The following NRXN1 variants were observed in gnomAD, a reference collection of about 807,000 sequenced individuals.
NRXN1 encodes neurexin 1.
In NRXN1, 39 loss-of-function variants were observed where a neutral mutation model predicts 150.9. The ratio of observed to expected loss-of-function variants is 0.26; its 90% confidence interval spans 0.20 to 0.34. The LOEUF is 0.34. Ranked by LOEUF, NRXN1 falls within the 10% of genes least tolerant of loss-of-function variation. The pLI is 1.00. For missense variants in NRXN1, 1,815 were observed against 1,949.9 expected (o/e 0.93, Z 1.30); for synonymous variants, 924 against 757.0 (o/e 1.22, Z -3.62).
At chr2:50,976,069 A>G (rs1044878557) in intron 2 of NRXN1, among the ~76,000 whole-genome samples, 2 of 151,982 alleles carry the variant, frequency 1.3e-5, no homozygotes, top group South Asian at 2.1e-4. Flanking sequence ...ATTGCTCCCA[A>G]TAATGCCTGT....
intron 8 of NRXN1, among the ~76,000 whole-genome samples, chr2:50,555,561 G>A (rs998707562): frequency 6.6e-6 from 1 of 152,072 alleles, no homozygotes; most frequent in African/African-American, 2.4e-5. Flanking sequence ...CTTTACACTG[G>A]CAAGAACCTT....
At chr2:50,987,204 AG>A (rs1227752160) in intron 2 of NRXN1, among the ~76,000 whole-genome samples, 3 of 151,994 alleles carry the variant, frequency 2.0e-5, no homozygotes, top group Non-Finnish European at 4.4e-5. Flanking sequence ...ACTACTTATT[AG>A]TAAATAAACA....
intron 18 of NRXN1, among the ~76,000 whole-genome samples, chr2:50,147,256 C>CTT (rs1250896529): frequency 4.0e-5 from 6 of 151,546 alleles, no homozygotes; most frequent in African/African-American, 1.5e-4. Flanking sequence ...CAAATAAGTG[C>CTT]CTTAGAAGAT....
intron 5 of NRXN1, among the ~76,000 whole-genome samples, chr2:50,715,439 A>T (rs1695742749): frequency 6.6e-6 from 1 of 152,190 alleles, no homozygotes; most frequent in Non-Finnish European, 1.5e-5. Flanking sequence ...AAGATTAAAT[A>T]AGAAACTGGA....
chr2:50,022,646 A>T (rs1489752184), intron 21 of NRXN1: 1 of 152,256 alleles, frequency 6.6e-6, no homozygotes, highest in African/African-American at 2.4e-5. Flanking sequence ...TTGCAGATGC[A>T]AGAATAGTAT....
intron 18 of NRXN1, among the ~76,000 whole-genome samples, chr2:50,227,620 T>C (rs2064526810): frequency 6.6e-6 from 1 of 151,970 alleles, no homozygotes. Flanking sequence ...AAGCCAGAGG[T>C]TGAAACACCA....
chr2:49,935,228 T>G (rs1206909379), intron 22 of NRXN1, among the ~76,000 whole-genome samples: 1 of 152,180 alleles, frequency 6.6e-6, no homozygotes, highest in Non-Finnish European at 1.5e-5. Context: ...AAAAGCTGAG[T>G]ACACAGAGAT....
intron 5 of NRXN1, among the ~76,000 whole-genome samples, chr2:50,901,028 T>C (rs1356033585): frequency 5.3e-5 from 8 of 152,184 alleles, no homozygotes; most frequent in Non-Finnish European, 8.8e-5. Flanking sequence ...CTGTGTCCCA[T>C]TCACTGATTT....
chr2:50,400,021 G>A (rs925471876), intron 17 of NRXN1, among the ~76,000 whole-genome samples: 17 of 151,804 alleles, frequency 1.1e-4, no homozygotes, highest in Admixed American at 6.6e-4. Flanking sequence ...TCAGGTAGAC[G>A]AGTACAATTA....
At chr2:50,252,233 C>CTTTTTTTTTTTTTTT in intron 17 of NRXN1, among the ~76,000 whole-genome samples, 1 of 94,914 alleles carries the variant, frequency 1.1e-5, no homozygotes, top group Non-Finnish European at 1.9e-5. Flanking sequence ...ACATTTTGTC[C>CTTTTTTTTTTTTTTT]TTTTTTTTTT....
intron 17 of NRXN1, among the ~76,000 whole-genome samples, chr2:50,430,630 A>C (rs1048855130): frequency 2.6e-5 from 4 of 152,190 alleles, no homozygotes; most frequent in Non-Finnish European, 5.9e-5. Flanking sequence ...GGTGACTGTG[A>C]AAGACAAAAT....
At chr2:50,305,763 A>G (rs1558492232) in intron 17 of NRXN1, among the ~76,000 whole-genome samples, 1 of 152,224 alleles carries the variant, frequency 6.6e-6, no homozygotes, top group Non-Finnish European at 1.5e-5. Context: ...GCTTTTCTGT[A>G]AGAAACACAA....
chr2:50,016,653 C>CT (rs1391547529), intron 21 of NRXN1: 1 of 152,106 alleles, frequency 6.6e-6, no homozygotes, highest in Non-Finnish European at 1.5e-5. Context: ...TGAGAACTCA[C>CT]TTACTATCAC....
chr2:50,815,876 A>G (rs186751737), intron 5 of NRXN1, among the ~76,000 whole-genome samples: 1 of 152,300 alleles, frequency 6.6e-6, no homozygotes, highest in Admixed American at 6.5e-5. Context: ...TAAATAATGC[A>G]TAAGTGTATC....
At chr2:49,933,268 G>C (rs1425359205) in intron 22 of NRXN1, among the ~76,000 whole-genome samples, 2 of 151,764 alleles carry the variant, frequency 1.3e-5, no homozygotes, top group African/African-American at 4.8e-5. Context: ...TTGAATTTTT[G>C]GTAGAGAAGG....
intron 8 of NRXN1, among the ~76,000 whole-genome samples, chr2:50,613,051 A>C (rs1678450863): frequency 6.6e-6 from 1 of 152,208 alleles, no homozygotes; most frequent in African/African-American, 2.4e-5. Flanking sequence ...GACACATAAG[A>C]ATTTGTCAAA....
chr2:49,928,785 T>C (rs1364423729), intron 22 of NRXN1, among the ~76,000 whole-genome samples: 1 of 152,168 alleles, frequency 6.6e-6, no homozygotes, highest in African/African-American at 2.4e-5. Flanking sequence ...ATGCATTAAT[T>C]TCGACTCATG....
intron 17 of NRXN1, among the ~76,000 whole-genome samples, chr2:50,252,233 C>CTTTTTTTTTTTTTTTTT (rs55993018): frequency 1.1e-5 from 1 of 94,910 alleles, no homozygotes; most frequent in Admixed American, 1.5e-4. Context: ...ACATTTTGTC[C>CTTTTTTTTTTTTTTTTT]TTTTTTTTTT....
intron 2 of NRXN1, among the ~76,000 whole-genome samples, chr2:50,951,272 T>A (rs1005093694): frequency 2.0e-5 from 3 of 152,140 alleles, no homozygotes; most frequent in African/African-American, 7.2e-5. Flanking sequence ...AATCTGTGAA[T>A]GCATATGCAT....
Sources: gnomAD v4.1 joint callset for allele counts (sites outside exome capture counted in the v4.1 genomes callset) on GRCh38, gnomAD v4.1.1 for gene constraint, MANE v1.5 for transcripts, NCBI Gene and HGNC (gene_info 2026-07-23, HGNC 2026-07-21) for gene names.